The following PMEPA1 variants were observed in gnomAD, a reference collection of about 807,000 sequenced individuals.
PMEPA1 encodes protein TMEPAI.
Under a neutral mutation model 23.0 loss-of-function variants are expected in PMEPA1, and 11 were observed. The observed-to-expected ratio is 0.48, with a 90% confidence interval of 0.30 to 0.79. The LOEUF is 0.79. Among genes scored for constraint, PMEPA1 ranks in the 30% least tolerant of loss-of-function variants. The probability of loss-of-function intolerance (pLI) is 0.06; values close to 1 mark genes in which losing one functional copy is unlikely to be tolerated. For synonymous variants in PMEPA1, 204 were observed against 166.4 expected, an observed-to-expected ratio of 1.23 and a Z score of -1.74; for missense variants, 377 against 390.9, an observed-to-expected ratio of 0.96 and a Z score of 0.30.
intron 1 of PMEPA1, among the ~76,000 whole-genome samples, chr20:57,662,779 C>T (rs1031493995): frequency 6.6e-6 from 1 of 152,290 alleles, no homozygotes; most frequent in African/African-American, 2.4e-5. Flanking sequence ...TCCCCCTTCC[C>T]CAGCTGTCTC....
rs147668952 is a variant in PMEPA1, at chr20:57,662,408, C to T, written c.110-2711G>A. Among the ~76,000 whole-genome samples, 16 of 152,318 alleles carry T rather than the reference C, an allele frequency of 1.1e-4. No individual in the cohort carries two copies. The East Asian group carries it at 3.1e-3, about 29-fold the overall frequency. On this transcript the variant is annotated intron_variant, in intron 1 of 3. Coordinates refer to ENST00000341744, the MANE Select transcript of PMEPA1 (RefSeq NM_020182.5). ...GAGAAGTCCAAGACCCTAGAGCTGGCGCGTCCTCCCACTAGGCTTGGTGGG... is the reference window on the plus strand; with the variant it reads ...GAGAAGTCCAAGACCCTAGAGCTGGTGCGTCCTCCCACTAGGCTTGGTGGG...
Position 57,670,739 on chromosome 20 carries a change from C to T in PMEPA1, c.110-11042G>A, listed in dbSNP as rs58992437. ...TCAATGAACGGCACATACCTGGCCTCTGTGTGCTTCTCTTTTCACTGGTAC... is the reference window on the plus strand; with the variant it reads ...TCAATGAACGGCACATACCTGGCCTTTGTGTGCTTCTCTTTTCACTGGTAC... On this transcript the variant is annotated intron_variant, in intron 1 of 3. Coordinates refer to ENST00000341744, the MANE Select transcript of PMEPA1 (RefSeq NM_020182.5). Among the ~76,000 whole-genome samples, 310 of 152,326 alleles carry T rather than the reference C, an allele frequency of 2.0e-3. 1 individual carries two copies. Among genetic ancestry groups the T allele is most frequent in the African/African-American group, 6.9e-3 (286 of 41,570 alleles).
chr20:57,665,825 G>A (rs1283750631), intron 1 of PMEPA1, among the ~76,000 whole-genome samples: 1 of 152,192 alleles, frequency 6.6e-6, no homozygotes, highest in Non-Finnish European at 1.5e-5. Context: ...GGGCTAACAT[G>A]CGCTGGATCC....
chr20:57,709,928 G>A lies in PMEPA1; in HGVS notation c.-346C>T, dbSNP rs2072148657. 9.9e-6 allele frequency: 10 copies of A among 1,011,166 alleles called. No individual in the cohort carries two copies. Among genetic ancestry groups the A allele is most frequent in the Non-Finnish European group, 1.2e-5 (10 of 849,800 alleles). The allele number at this position is 1,011,166 out of a possible 1,614,324, so 62.6% of individuals were successfully genotyped here. On this transcript the variant is annotated 5_prime_UTR_variant, in exon 1 of 4. Transcript: ENST00000341744. ...CCAGCCGAGCGCCTCCGCCGCCGCC[G>A]CCGCCGCCGCCTCCTCCTCCTCATT...
Position 57,652,310 on chromosome 20 carries a change from C to T in PMEPA1, c.607G>A (p.Gly203Ser). Residue 203 changes from glycine to serine, a missense_variant, in exon 4 of 4, where the codon GGC becomes AGC. Transcript: ENST00000341744. The surrounding 1 kb of genome is among the most constrained non-coding windows in gnomAD (Gnocchi z 6.1). ...DSDLMDSARLGGPCPPSSNSG... is the reference protein window; with the variant it reads ...DSDLMDSARLSGPCPPSSNSG... ...TTACTGCTGGGGGGGCAGGGGCCGCCCAGCCTGGCACTATCCATCAGGTCA... is the reference window on the plus strand; with the variant it reads ...TTACTGCTGGGGGGGCAGGGGCCGCTCAGCCTGGCACTATCCATCAGGTCA... 1 of 1,611,298 alleles carries T rather than the reference C, an allele frequency of 6.2e-7. No homozygotes were observed. The highest frequency in any genetic ancestry group is 2.2e-5 in the East Asian group (1 of 44,838).
chr20:57,710,176 C>T, upstream of PMEPA1: 1 of 523,192 alleles, frequency 1.9e-6, no homozygotes. Context: ...AGCTAGGCGG[C>T]CCACGTAGAC....
At chr20:57,659,408 T>G (rs1600777152) in intron 2 of PMEPA1, 135 bp downstream of exon 2, 1 of 908,442 alleles carries the variant, frequency 1.1e-6, no homozygotes. Context: ...TGCTGTCAGG[T>G]GGGCTCCCCA....
rs1383827759 is a variant in PMEPA1 at position 57,655,983 on chromosome 20, A to C, written c.265-2897T>G. On this transcript the variant is annotated intron_variant, in intron 2 of 3. Coordinates refer to ENST00000341744, the MANE Select transcript of PMEPA1 (RefSeq NM_020182.5). The surrounding 1 kb of genome is among the most constrained non-coding windows in gnomAD (Gnocchi z 4.2). ...CTCATTGACAAAACCAGGCAGCCGC[A>C]GTGAGCTGACGCTCAGGCAGCTCCT... Among the ~76,000 whole-genome samples the C allele has an allele frequency of 2.6e-5, 4 of 152,008 alleles. No homozygotes were observed. The highest frequency in any genetic ancestry group is 1.3e-4 in the Admixed American group (2 of 15,288).
chr20:57,670,479 C>T (rs112964177), intron 1 of PMEPA1, among the ~76,000 whole-genome samples: 4 of 152,304 alleles, frequency 2.6e-5, no homozygotes, highest in East Asian at 1.9e-4. Flanking sequence ...CTCCCTCCTT[C>T]CAACCTCCCT....
chr20:57,672,943 C>A (rs2071589253), intron 1 of PMEPA1, among the ~76,000 whole-genome samples: 1 of 152,216 alleles, frequency 6.6e-6, no homozygotes, highest in Non-Finnish European at 1.5e-5. Flanking sequence ...AGCACCCACG[C>A]ACGGGTTGCT....
rs771208390 is a variant in PMEPA1, at chr20:57,683,556, T to TGTGTGTGTGC, written c.110-23860_110-23859insGCACACACAC. 7.6e-4 allele frequency among the ~76,000 whole-genome samples: 85 copies of TGTGTGTGTGC among 111,930 alleles called. 1 individual carries two copies. Among genetic ancestry groups the TGTGTGTGTGC allele is most frequent in the East Asian group, 5.7e-3 (21 of 3,698 alleles). The allele number at this position is 111,930 out of a possible 152,430, so 73.4% of individuals were successfully genotyped here. A position where few individuals can be genotyped will look rare whatever the true frequency, so the allele number is the denominator to read the frequency against. ...GTGGTGGTGTTCTGGCCTGTGTGCG[T>TGTGTGTGTGC]GTGTGTGTGTGTGTGTGTGTGTGTG... On this transcript the variant is annotated intron_variant, in intron 1 of 3. Coordinates refer to ENST00000341744, the MANE Select transcript of PMEPA1 (RefSeq NM_020182.5). This position sits in a 1 kb window ranked among gnomAD's most constrained non-coding sequence, Gnocchi z 4.3.
chr20:57,652,269 G>T lies in PMEPA1; in HGVS notation c.648C>A (p.Ala216=). 1 of 1,608,678 alleles carries T rather than the reference G, an allele frequency of 6.2e-7. No homozygotes were observed. Residue 216 remains alanine, a synonymous_variant, in exon 4 of 4, where the codon GCC becomes GCA. Coordinates refer to ENST00000341744, the MANE Select transcript of PMEPA1 (RefSeq NM_020182.5). This position sits in a 1 kb window ranked among gnomAD's most constrained non-coding sequence, Gnocchi z 6.1. ...TGCGCCCGCCGCTGCCGTAGCACGT[G>T]GCGCTGATGCCCGAGTTACTGCTGG... ...CPPSSNSGIS[A]TCYGSGGRME... is the part of the protein sequence containing the mutation.
intron 1 of PMEPA1, among the ~76,000 whole-genome samples, chr20:57,695,812 C>G (rs895725933): frequency 3.3e-5 from 5 of 152,268 alleles, no homozygotes; most frequent in Admixed American, 6.5e-5. Flanking sequence ...TCTGCCACAC[C>G]CTGGAATTAC....
intron 1 of PMEPA1, among the ~76,000 whole-genome samples, chr20:57,670,218 A>G (rs2071549541): frequency 6.6e-6 from 1 of 151,988 alleles, no homozygotes; most frequent in Admixed American, 6.5e-5. Flanking sequence ...GGGGGGTAGT[A>G]CATGGAGCCA....
chr20:57,680,171 A>G (rs1181788468), intron 1 of PMEPA1, among the ~76,000 whole-genome samples: 3 of 152,190 alleles, frequency 2.0e-5, no homozygotes, highest in Non-Finnish European at 4.4e-5. Flanking sequence ...CAGCGGGGAG[A>G]GCTGCAGCCA....
chr20:57,697,127 G>A lies in PMEPA1; in HGVS notation c.109+12347C>T, dbSNP rs184434146. Among the ~76,000 whole-genome samples, 127 of 152,336 alleles carry A rather than the reference G, an allele frequency of 8.3e-4. 3 individuals carry two copies. The highest frequency in any genetic ancestry group is 3.0e-3 in the African/African-American group (124 of 41,576). Reference sequence around the variant, plus strand: ...TGGGACTCACACAGGGTGACAAGGAGGAGCAGATGGGAGTTGGTCCTGGTG... The same window carrying A: ...TGGGACTCACACAGGGTGACAAGGAAGAGCAGATGGGAGTTGGTCCTGGTG... On this transcript the variant is annotated intron_variant, in intron 1 of 3. Transcript: ENST00000341744.
At chr20:57,688,023 A>T (rs751809675) in intron 1 of PMEPA1, among the ~76,000 whole-genome samples, 1 of 151,974 alleles carries the variant, frequency 6.6e-6, no homozygotes. Context: ...TGTGAGCACC[A>T]TAAGGTCAGG....
At chr20:57,661,300 G>T (rs1369548604) in intron 1 of PMEPA1, among the ~76,000 whole-genome samples, 1 of 152,234 alleles carries the variant, frequency 6.6e-6, no homozygotes, top group Non-Finnish European at 1.5e-5. Context: ...GCCGAGCACG[G>T]TGCCAGCAGA....
chr20:57,709,197 G>T (rs1238701194), intron 1 of PMEPA1, among the ~76,000 whole-genome samples: 1 of 151,150 alleles, frequency 6.6e-6, no homozygotes, highest in Non-Finnish European at 1.5e-5. Context: ...ACCCTCCCGC[G>T]CCGTGCGCCG....
Sources: allele counts gnomAD v4.1 joint callset (sites outside exome capture counted in the v4.1 genomes callset), GRCh38; gene constraint gnomAD v4.1.1; non-coding constraint Gnocchi (gnomAD v3.1); transcripts MANE v1.5; gene names NCBI Gene and HGNC (gene_info 2026-07-23, HGNC 2026-07-21).